The following EDEM3 variants were observed in gnomAD, a reference collection of about 807,000 sequenced individuals.
EDEM3 encodes ER degradation enhancing alpha-mannosidase like protein 3, also known as ER degradation-enhancing alpha-mannosidase-like protein 3.
EDEM3 carries 60 observed loss-of-function variants against 110.2 expected under a neutral mutation model. The ratio of observed to expected loss-of-function variants is 0.54; its 90% CI spans 0.44 to 0.67. EDEM3 has a LOEUF of 0.67. Among genes scored for constraint, EDEM3 ranks in the 30% least tolerant of loss-of-function variants. The pLI is 0.00. For missense variants in EDEM3, 996 were observed against 1,121.0 expected, an observed-to-expected ratio of 0.89 and a Z score of 1.59; for synonymous variants, 352 against 382.9, an observed-to-expected ratio of 0.92 and a Z score of 0.94.
intron 9 of EDEM3, among the ~76,000 whole-genome samples, chr1:184,720,156 C>A (rs1321111495): frequency 6.6e-6 from 1 of 152,122 alleles, no homozygotes; most frequent in Non-Finnish European, 1.5e-5. Flanking sequence ...AACAAGCCAA[C>A]AAAAATAGTT....
chr1:184,719,074 A>G (rs1319688095), intron 11 of EDEM3, 88 bp downstream of exon 11: 3 of 665,278 alleles, frequency 4.5e-6, no homozygotes, highest in African/African-American at 1.9e-5. Context: ...TTCTACCTTT[A>G]TATTAGCAAC....
At chr1:184,716,842 G>A in intron 13 of EDEM3, 46 bp downstream of exon 13, 3 of 1,602,348 alleles carry the variant, frequency 1.9e-6, no homozygotes, top group Non-Finnish European at 2.6e-6. Context: ...ATTTTGTGTT[G>A]TTTCAGAGAG....
chr1:184,729,595 A>T (rs1269230867), intron 6 of EDEM3, among the ~76,000 whole-genome samples: 1 of 152,236 alleles, frequency 6.6e-6, no homozygotes, highest in Non-Finnish European at 1.5e-5. Flanking sequence ...AGTTAAAACC[A>T]TTAATGCAAA....
chr1:184,719,681 T>A, intron 9 of EDEM3, 113 bp from the exon 10 acceptor site: 1 of 987,124 alleles, frequency 1.0e-6, no homozygotes, highest in Non-Finnish European at 1.4e-6. Context: ...ATAAATTCAC[T>A]AAATAACTAC....
chr1:184,721,616 GTTCT>G (rs1650906549), intron 8 of EDEM3, among the ~76,000 whole-genome samples: 3 of 151,826 alleles, frequency 2.0e-5, no homozygotes, highest in African/African-American at 4.8e-5. Context: ...AGCATCTTGT[GTTCT>G]TTAAGAAATT....
chr1:184,747,372 G>A (rs960958263), intron 2 of EDEM3, among the ~76,000 whole-genome samples: 2 of 152,034 alleles, frequency 1.3e-5, no homozygotes, highest in African/African-American at 2.4e-5. Flanking sequence ...TGTAGGGACC[G>A]GAAAAAAATT....
chr1:184,754,419 C>G (rs1571439657), intron 1 of EDEM3, 70 bp downstream of exon 1: 1 of 1,597,604 alleles, frequency 6.3e-7, no homozygotes, highest in South Asian at 1.1e-5. Flanking sequence ...GCGACCGGGT[C>G]GCAATGACAG....
rs982867597 is a variant in EDEM3 at position 184,734,544 on chromosome 1, T to C, written c.445A>G (p.Ile149Val). The C allele has an allele frequency of 6.8e-7, 1 of 1,479,194 alleles. No individual in the cohort carries two copies. The highest frequency in any genetic ancestry group is 9.1e-7 in the Non-Finnish European group (1 of 1,104,176). 91.6% of individuals were successfully genotyped at this position (1,479,194 alleles called of 1,614,324 possible). ...DVVVSVFETN[I>V]RVLGGLLGGH... ...TTTCATACTTACCCAAGAACTCTGA[T>C]GTTTGTTTCAAAGACTGATACGACT... The change falls in exon 5 of 20, where the codon ATC becomes GTC. Residue 149 changes from isoleucine to valine, a missense_variant. Physicochemically the swap from Ile to Val is conservative, Grantham distance 29 (BLOSUM62 3). This residue lies in a region of EDEM3 where 310 missense variants were observed against 394.6 expected (regional missense o/e 0.79). Transcript: ENST00000318130.
intron 13 of EDEM3, among the ~76,000 whole-genome samples, 199 bp downstream of exon 13, chr1:184,716,689 C>T (rs1195969208): frequency 6.6e-6 from 1 of 152,054 alleles, no homozygotes; most frequent in Non-Finnish European, 1.5e-5. Context: ...TACTATATGC[C>T]AGGCACTATG....
rs1652990911 is a variant in EDEM3 at position 184,754,607 on chromosome 1, G to C, written c.40C>G (p.Pro14Ala). The part of the protein sequence containing the change: ...AGGRGCGSPV[P>A]QRARWRLVAA... ...ACTAGTCTCCATCGCGCTCGCTGGG[G>C]AACCGGGGACCCACAGCCCCGGCCG... is the stretch of plus-strand genomic sequence containing the variant. Residue 14 changes from proline (P) to alanine (A), a missense_variant, in exon 1 of 20, where the codon CCC becomes GCC. Pro to Ala is a conservative substitution (Grantham distance 27). This residue lies in a region of EDEM3 where 200 missense variants were observed against 183.8 expected (regional missense o/e 1.09). Coordinates refer to ENST00000318130, the MANE Select transcript of EDEM3 (RefSeq NM_025191.4). The C allele has an allele frequency of 6.2e-7, 1 of 1,607,756 alleles. No individual in the cohort carries two copies. The highest frequency in any genetic ancestry group is 8.5e-7 in the Non-Finnish European group (1 of 1,177,504).
Position 184,721,349 on chromosome 1 carries a change from T to C in EDEM3, c.891A>G (p.Glu297=). 5.0e-6 allele frequency: 8 copies of C among 1,607,994 alleles called. No homozygotes were observed. Among genetic ancestry groups the C allele is most frequent in the Non-Finnish European group, 6.8e-6 (8 of 1,177,882 alleles). ...GVGAGIDSYY[E]YLLKAYVLLG... ...GCAAGACATAGGCTTTCAACAGATA[T>C]TCATAATATGAATCAATCCCTGCTC... is the stretch of plus-strand genomic sequence containing the variant. Residue 297 remains glutamate, a synonymous_variant, in exon 9 of 20, where the codon GAA becomes GAG. Transcript: ENST00000318130.
In EDEM3 at chr1:184,708,743, TA is replaced by T. The variant is rs1173366355; in HGVS notation, c.1846-400del. Among the ~76,000 whole-genome samples the T allele has an allele frequency of 3.9e-5, 6 of 152,354 alleles. No homozygotes were observed. In the East Asian group the frequency reaches 1.2e-3, roughly 29 times the overall value. On this transcript the variant is annotated intron_variant, in intron 16 of 19. Transcript: ENST00000318130. ...ACCAGATTCAATTTGATTCAAAACA[TA>T]TCTGTGAAGCACTTATTCCATCTCA...
At chr1:184,713,130 G>A (rs1279832376) in intron 13 of EDEM3, among the ~76,000 whole-genome samples, 6 of 152,002 alleles carry the variant, frequency 3.9e-5, no homozygotes, top group South Asian at 2.1e-4. Context: ...GCCGGGTGTC[G>A]TGCCAGGCAC....
chr1:184,754,575 C>G lies in EDEM3; in HGVS notation c.72G>C (p.Ala24=). The change falls in exon 1 of 20, where the codon GCG becomes GCC. Residue 24 remains alanine (A), a synonymous_variant. Transcript: ENST00000318130. ...CCGACACCAGGCAGAACGCGGCCGT[C>G]GCCGCCACTAGTCTCCATCGCGCTC... ...PQRARWRLVA[A]TAAFCLVSAT... 1 of 1,610,020 alleles carries G rather than the reference C, an allele frequency of 6.2e-7. No homozygotes were observed. The highest frequency in any genetic ancestry group is 8.5e-7 in the Non-Finnish European group (1 of 1,178,928).
rs761931370 is a variant in EDEM3 at position 184,712,452 on chromosome 1, C to A, written c.1517G>T (p.Ser506Ile). The A allele has an allele frequency of 1.6e-5, 25 of 1,592,316 alleles. No homozygotes were observed. The highest frequency in any genetic ancestry group is 2.0e-5 in the Non-Finnish European group (24 of 1,174,320). ...ACTCACTGTGTTCTTTTTAGAGATG[C>A]TTTGATTTGTAGTAGAGAGCCAAAG... ...LPLWLSTTNQSISKKNTTSEY... is the reference protein window; with the variant it reads ...LPLWLSTTNQIISKKNTTSEY... The change falls in exon 14 of 20, where the codon AGC (serine) becomes ATC (isoleucine). Residue 506 changes from serine (S) to isoleucine (I), a missense_variant. Ser to Ile is a moderately radical substitution (Grantham distance 142, BLOSUM62 -2). Around this residue, in one of 5 missense-constraint regions of EDEM3, gnomAD observed 138 missense variants for 124.3 expected, o/e 1.11. Transcript: ENST00000318130.
rs149240232 is a variant in EDEM3 at position 184,748,828 on chromosome 1, C to G, written c.204+719G>C. 2.9e-3 allele frequency among the ~76,000 whole-genome samples: 435 copies of G among 152,178 alleles called. 5 individuals carry two copies. The East Asian group carries it at 0.036, about 12-fold the overall frequency. ...CAAACTTTCCCAACTACATTTTATA[C>G]GTTGTAATCATAGAAGAAAATCTGC... On this transcript the variant is annotated intron_variant, in intron 2 of 19. Transcript: ENST00000318130.
intron 6 of EDEM3, among the ~76,000 whole-genome samples, chr1:184,730,597 CA>C (rs1651456858): frequency 6.6e-6 from 1 of 151,968 alleles, no homozygotes; most frequent in Non-Finnish European, 1.5e-5. Flanking sequence ...AACAAACAAA[CA>C]AACAAAAAGA....
intron 6 of EDEM3, among the ~76,000 whole-genome samples, chr1:184,731,963 T>C (rs1651546177): frequency 1.3e-5 from 2 of 151,994 alleles, no homozygotes; most frequent in Admixed American, 1.3e-4. Context: ...GATCACAAGG[T>C]CAGGAGATCA....
intron 19 of EDEM3, among the ~76,000 whole-genome samples, chr1:184,699,960 T>A (rs1649528485): frequency 6.6e-6 from 1 of 151,962 alleles, no homozygotes; most frequent in Non-Finnish European, 1.5e-5. Flanking sequence ...TTGCCTTTTG[T>A]TTGTGGGCAC....
Sources: gnomAD v4.1 joint callset for allele counts (sites outside exome capture counted in the v4.1 genomes callset) on GRCh38, gnomAD v4.1.1 for gene constraint, gnomAD v4.1.1 regional missense constraint, MANE v1.5 for transcripts, NCBI Gene and HGNC (gene_info 2026-07-23, HGNC 2026-07-21) for gene names.